Variants in ESR1 observed in about 807,000 individuals in gnomAD.
The protein encoded by ESR1 is estrogen receptor.
A neutral mutation model predicts 52.7 loss-of-function variants in ESR1; 12 were observed. The ratio of observed to expected loss-of-function variants is 0.23; its 90% confidence interval spans 0.15 to 0.37. The LOEUF is 0.37. ESR1 is among the 10% of genes least tolerant of loss of function. The pLI is 1.00. For synonymous variants in ESR1, 305 were observed against 316.8 expected (o/e 0.96, Z 0.39); for missense variants, 584 against 779.7 (o/e 0.75, Z 2.99).
chr6:152,113,942 G>C (rs1440947449), intron 6 of ESR1, among the ~76,000 whole-genome samples: 2 of 152,138 alleles, frequency 1.3e-5, no homozygotes, highest in African/African-American at 4.8e-5. Flanking sequence ...AGGTATTTTT[G>C]GCTCCAGAGT....
In ESR1 at chr6:151,838,462, C is replaced by T. The variant is rs549923060; in HGVS notation, c.453-4135C>T. ...CCTTATGGCCCAGACATGGACACCTCCCAGTCTGTTCCTTCCTGCTGCCCA... is the reference window on the plus strand; with the variant it reads ...CCTTATGGCCCAGACATGGACACCTTCCAGTCTGTTCCTTCCTGCTGCCCA... On this transcript the variant is annotated intron_variant, in intron 1 of 7. Coordinates refer to ENST00000206249, the MANE Select transcript of ESR1 (RefSeq NM_000125.4). Among the ~76,000 whole-genome samples, 63 of 152,236 alleles carry T rather than the reference C, an allele frequency of 4.1e-4. 2 individuals are homozygous for T. In the South Asian group the frequency reaches 0.012, roughly 30 times the overall value.
intron 2 of ESR1, among the ~76,000 whole-genome samples, chr6:151,726,839 C>T (rs1328373766): frequency 2.6e-5 from 4 of 152,040 alleles, no homozygotes; most frequent in Non-Finnish European, 2.9e-5. Context: ...TTCCTAGCTC[C>T]GTAACTTTAT....
chr6:151,804,081 GA>G (rs1777536124), upstream of ESR1, among the ~76,000 whole-genome samples: 3 of 107,250 alleles, frequency 2.8e-5, no homozygotes, highest in Admixed American at 3.0e-4. Flanking sequence ...GGGAAGCCAA[GA>G]GAGCTGGGAG....
At chr6:151,810,769 G>T (rs1236460912) in intron 1 of ESR1, among the ~76,000 whole-genome samples, 1 of 152,196 alleles carries the variant, frequency 6.6e-6, no homozygotes, top group Non-Finnish European at 1.5e-5. Context: ...TGTGCTGATT[G>T]TGATGTAAAA....
chr6:152,034,318 TA>T, intron 5 of ESR1, among the ~76,000 whole-genome samples: 1 of 135,492 alleles, frequency 7.4e-6, no homozygotes, highest in Admixed American at 7.5e-5. Context: ...AATAAATAAA[TA>T]CTAGTTTGGC....
chr6:151,981,972 C>T (rs758153048), intron 4 of ESR1, among the ~76,000 whole-genome samples: 9 of 152,246 alleles, frequency 5.9e-5, no homozygotes, highest in Non-Finnish European at 2.9e-5. Context: ...TTTTCATCCT[C>T]TACATAGTGT....
Position 152,094,248 on chromosome 6 carries a change from G to A in ESR1, c.1370-137G>A. ...TACACTGTAACCCGGTTTTAAATGG[G>A]TCCAGAGCATCCCCATTGCTAGACT... On this transcript the variant is annotated intron_variant, in intron 6 of 7. Transcript: ENST00000206249. The surrounding 1 kb of genome is among the most constrained non-coding windows in gnomAD (Gnocchi z 4.6). 1 of 817,912 alleles carries A rather than the reference G, an allele frequency of 1.2e-6. No homozygotes were observed. Among genetic ancestry groups the A allele is most frequent in the Non-Finnish European group, 2.2e-6 (1 of 463,744 alleles). The allele number at this position is 817,912 out of a possible 1,614,324, so 50.7% of individuals were successfully genotyped here. A position where few individuals can be genotyped will look rare whatever the true frequency, so the allele number is the denominator to read the frequency against.
At chr6:151,751,103 G>A (rs2128077973) in intron 2 of ESR1, among the ~76,000 whole-genome samples, 1 of 152,322 alleles carries the variant, frequency 6.6e-6, no homozygotes, top group African/African-American at 2.4e-5. Flanking sequence ...ATCAGCATTA[G>A]TGGCTTCAAT....
chr6:151,875,138 C>G (rs1241532344), intron 2 of ESR1, among the ~76,000 whole-genome samples: 1 of 152,192 alleles, frequency 6.6e-6, no homozygotes, highest in Non-Finnish European at 1.5e-5. Context: ...GAGGATAATT[C>G]ATGAGCAATG....
upstream of ESR1, among the ~76,000 whole-genome samples, chr6:151,801,202 C>T (rs961206792): frequency 9.9e-5 from 15 of 151,816 alleles, no homozygotes; most frequent in African/African-American, 3.6e-4. Context: ...CTCAAGTAAA[C>T]AACAGATAAA....
At chr6:151,759,230 A>T (rs1158084639) in intron 2 of ESR1, among the ~76,000 whole-genome samples, 4 of 147,042 alleles carry the variant, frequency 2.7e-5, no homozygotes, top group African/African-American at 1.0e-4. Flanking sequence ...AGCCGAGATC[A>T]TGCCACTGCA....
chr6:151,883,938 C>T (rs1793398376), intron 3 of ESR1, among the ~76,000 whole-genome samples: 1 of 152,152 alleles, frequency 6.6e-6, no homozygotes, highest in South Asian at 2.1e-4. Context: ...GAATCTTAAT[C>T]ACCTCACTTA....
chr6:151,879,120 T>A (rs1792346445), intron 2 of ESR1, among the ~76,000 whole-genome samples: 1 of 152,068 alleles, frequency 6.6e-6, no homozygotes, highest in African/African-American at 2.4e-5. Flanking sequence ...TAATGTTGGA[T>A]GGAGGAAATT....
chr6:152,069,443 A>T (rs2048213166), intron 6 of ESR1, among the ~76,000 whole-genome samples: 1 of 136,470 alleles, frequency 7.3e-6, no homozygotes, highest in Non-Finnish European at 1.5e-5. Flanking sequence ...TATCTATAGA[A>T]GTTAGGACAT....
chr6:151,934,674 A>C (rs2034132520), intron 3 of ESR1, among the ~76,000 whole-genome samples: 1 of 152,202 alleles, frequency 6.6e-6, no homozygotes, highest in Admixed American at 6.5e-5. Flanking sequence ...ATTACATCTG[A>C]TATTCAAGCA....
At chr6:152,077,302 G>A (rs2048820411) in intron 6 of ESR1, among the ~76,000 whole-genome samples, 1 of 152,188 alleles carries the variant, frequency 6.6e-6, no homozygotes, top group African/African-American at 2.4e-5. Flanking sequence ...TTGAGGTTTG[G>A]GAACCTCCAC....
intron 4 of ESR1, among the ~76,000 whole-genome samples, chr6:151,975,390 C>T (rs1489214206): frequency 6.6e-6 from 1 of 151,556 alleles, no homozygotes; most frequent in Non-Finnish European, 1.5e-5. Flanking sequence ...AAGTCTATAT[C>T]AATTTGATGT....
chr6:151,801,051 GGTGTGTGTGTGTGT>G (rs3062689), upstream of ESR1, among the ~76,000 whole-genome samples: 1 of 147,706 alleles, frequency 6.8e-6, no homozygotes, highest in Middle Eastern at 3.4e-3. Context: ...TTGATTATGT[GGTGTGTGTGTGTGT>G]GTGTGTGTGT....
chr6:151,832,669 CTA>C (rs1048917241), intron 1 of ESR1, among the ~76,000 whole-genome samples: 73 of 152,134 alleles, frequency 4.8e-4, no homozygotes, highest in African/African-American at 1.6e-3. Flanking sequence ...TCTTAATTCT[CTA>C]TTGATTAATT....
Sources: allele counts gnomAD v4.1 joint callset (sites outside exome capture counted in the v4.1 genomes callset), GRCh38; gene constraint gnomAD v4.1.1; non-coding constraint Gnocchi (gnomAD v3.1); transcripts MANE v1.5; gene names NCBI Gene and HGNC (gene_info 2026-07-23, HGNC 2026-07-21).